TAPBPL: variants seen among roughly 807,000 people sequenced by gnomAD.
TAPBPL encodes the protein tapasin-related protein.
Under a neutral mutation model 44.8 loss-of-function variants are expected in TAPBPL, and 32 were observed. That is an observed-to-expected ratio of 0.71 (90% CI 0.54 to 0.96). The LOEUF is 0.96. TAPBPL is among the 40% of genes least tolerant of loss of function. The pLI is 0.00. For synonymous variants in TAPBPL, 230 were observed against 240.7 expected (o/e 0.96, Z 0.41); for missense variants, 520 against 586.6 (o/e 0.89, Z 1.17).
At chr12:6,460,546 C>A (rs567363950) in intron 5 of TAPBPL, among the ~76,000 whole-genome samples, 10 of 149,628 alleles carry the variant, frequency 6.7e-5, no homozygotes, top group Admixed American at 4.6e-4. Flanking sequence ...GGATTACAGG[C>A]ATGAGCCACT....
chr12:6,466,990 G>C (rs1182568379), downstream of TAPBPL: 1 of 162,110 alleles, frequency 6.2e-6, no homozygotes, highest in East Asian at 1.8e-4. Flanking sequence ...AGATCTGATG[G>C]GTTTATCAGT....
At chr12:6,452,382 G>A in intron 1 of TAPBPL, 70 bp downstream of exon 1, 3 of 1,525,380 alleles carry the variant, frequency 2.0e-6, no homozygotes, top group South Asian at 2.5e-5. Flanking sequence ...CACCCTCCCC[G>A]AGATTCCAGA....
chr12:6,464,583 C>T (rs2534717), downstream of TAPBPL: 450,714 of 1,461,168 alleles, frequency 0.31, 70,288 homozygotes, highest in South Asian at 0.35. Context: ...ATTCAGGTCT[C>T]TCCATTGTTA....
chr12:6,466,111 C>T, downstream of TAPBPL: 3 of 1,609,672 alleles, frequency 1.9e-6, no homozygotes, highest in Non-Finnish European at 2.5e-6. Context: ...GGGTGCTTTG[C>T]CTCTCAGGGC....
chr12:6,462,945 T>G (rs1319020624), downstream of TAPBPL: 1 of 1,555,122 alleles, frequency 6.4e-7, no homozygotes, highest in Non-Finnish European at 8.7e-7. Context: ...ATCCAGACCC[T>G]GCCCAGCATG....
chr12:6,455,135 AGTT>A (rs1384513159), intron 3 of TAPBPL, among the ~76,000 whole-genome samples: 4 of 152,326 alleles, frequency 2.6e-5, no homozygotes, highest in Admixed American at 1.3e-4. Flanking sequence ...TAGATCCACC[AGTT>A]GTTAACAATT....
intron 4 of TAPBPL, 46 bp downstream of exon 4, chr12:6,457,790 C>A: frequency 6.7e-7 from 1 of 1,481,538 alleles, no homozygotes; most frequent in South Asian, 1.4e-5. Flanking sequence ...TATAACATGT[C>A]TACTGGGAGC....
At chr12:6,454,578 C>T (rs1317103579) in intron 3 of TAPBPL, among the ~76,000 whole-genome samples, 6 of 152,144 alleles carry the variant, frequency 3.9e-5, no homozygotes, top group Admixed American at 1.3e-4. Context: ...AAATGGAGAT[C>T]GTTCTCATCT....
downstream of TAPBPL, chr12:6,470,618 G>T (rs528880310): frequency 1.9e-6 from 3 of 1,567,804 alleles, no homozygotes; most frequent in African/African-American, 2.7e-5. Flanking sequence ...GAAGTGGACG[G>T]AACTGCCAAG....
chr12:6,452,787 T>G (rs1194357317), intron 1 of TAPBPL, among the ~76,000 whole-genome samples: 1 of 152,216 alleles, frequency 6.6e-6, no homozygotes, highest in East Asian at 1.9e-4. Flanking sequence ...ACTGAAAAGA[T>G]AGTCTTTTAT....
At position 6,453,393 on chromosome 12, in the gene TAPBPL, G is replaced by A; in HGVS notation, c.296-54G>A. 6.2e-7 allele frequency: 1 copy of A among 1,609,342 alleles called. No individual in the cohort carries two copies. Among genetic ancestry groups the A allele is most frequent in the South Asian group, 1.1e-5 (1 of 90,470 alleles). ...CAGCCACACATACTGCCTCCCGTTG[G>A]CCCTGGTGTTCTCACGCTAATTTGC... On this transcript the variant is annotated intron_variant, in intron 2 of 6. Transcript: ENST00000266556. The surrounding 1 kb of genome is among the most constrained non-coding windows in gnomAD (Gnocchi z 4.8).
At chr12:6,461,514 C>T in intron 6 of TAPBPL, 1 of 942,310 alleles carries the variant, frequency 1.1e-6, no homozygotes, top group Non-Finnish European at 1.3e-6. Context: ...AAATAAAAGG[C>T]CCTTGTGTCT....
downstream of TAPBPL, chr12:6,462,784 C>A: frequency 1.3e-6 from 2 of 1,570,310 alleles, no homozygotes; most frequent in Non-Finnish European, 1.7e-6. Context: ...GAGTGGAGAC[C>A]TTCGAGGGGG....
At chr12:6,462,513 G>A (rs983169023), downstream of TAPBPL, 1 of 498,770 alleles carries the variant, frequency 2.0e-6, no homozygotes. Flanking sequence ...CATGGGTGGT[G>A]GGAGGAAAGG....
chr12:6,452,979 T>C lies in TAPBPL; in HGVS notation c.65-88T>C, dbSNP rs115158125. 2.5e-3 allele frequency: 3,366 copies of C among 1,326,766 alleles called. 79 individuals carry two copies. The African/African-American group carries it at 0.043, about 17-fold the overall frequency. 82.2% of individuals were successfully genotyped at this position (1,326,766 alleles called of 1,614,324 possible). ...TTGGATGGCAACTTTTACCCTTTGA[T>C]GACTCCACAGCTTGAGGGCGGGGGC... On this transcript the variant is annotated intron_variant, in intron 1 of 6. Transcript: ENST00000266556.
chr12:6,453,785 A>G lies in TAPBPL; in HGVS notation c.565+69A>G. 6.8e-7 allele frequency: 1 copy of G among 1,470,608 alleles called. No homozygotes were observed. Among genetic ancestry groups the G allele is most frequent in the East Asian group, 2.4e-5 (1 of 41,736 alleles). 91.1% of individuals were successfully genotyped at this position (1,470,608 alleles called of 1,614,324 possible). ...GTAATTCCAGAATTTTGGGATACCG[A>G]GGTCGGTGGATCACCTGAGGTCAGG... On this transcript the variant is annotated intron_variant, in intron 3 of 6. Transcript: ENST00000266556. This position sits in a 1 kb window ranked among gnomAD's most constrained non-coding sequence, Gnocchi z 4.8.
In TAPBPL at chr12:6,457,633, G is replaced by T. The variant is rs1181282238; in HGVS notation, c.793G>T (p.Asp265Tyr). The T allele has an allele frequency of 1.2e-6, 2 of 1,614,188 alleles. No homozygotes were observed. Among genetic ancestry groups the T allele is most frequent in the Admixed American group, 3.3e-5 (2 of 60,020 alleles). The change falls in exon 4 of 7, where the codon GAT becomes TAT. Residue 265 changes from aspartate to tyrosine, a missense_variant. Physicochemically the swap from Asp to Tyr is radical, Grantham distance 160. Coordinates refer to ENST00000266556, the MANE Select transcript of TAPBPL (RefSeq NM_018009.5). ...LEPAQLGMARDASLTLPGLTI... is the reference protein window; with the variant it reads ...LEPAQLGMARYASLTLPGLTI... ...GCCTGCACAACTGGGCATGGCCAGG[G>T]ATGCCTCCCTCACCCTGCCCGGCCT...
At position 6,458,851 on chromosome 12, in the gene TAPBPL, G is replaced by A. The variant is rs775377094; in HGVS notation, c.1111G>A (p.Ala371Thr). 13 of 1,613,972 alleles carry A rather than the reference G, an allele frequency of 8.1e-6. No individual in the cohort carries two copies. The highest frequency in any genetic ancestry group is 3.3e-5 in the South Asian group (3 of 91,084). Residue 371 changes from alanine to threonine, a missense_variant, in exon 5 of 7, where the codon GCA (alanine) becomes ACA (threonine). Transcript: ENST00000266556. ...CTACAGCATCTCCTCCTCTCTCACC[G>A]CAGAACCTGGCTCTGCAGGTGCCAC... is the stretch of plus-strand genomic sequence containing the variant. ...GTYSISSSLT[A>T]EPGSAGATYT...
the TAPBPL span, among the ~76,000 whole-genome samples, chr12:6,471,554 G>A: frequency 1.9e-4 from 29 of 152,136 alleles, no homozygotes; most frequent in Non-Finnish European, 2.8e-4. The surrounding 1 kb of genome is among the most constrained non-coding windows in gnomAD (Gnocchi z 4.0). Context: ...AAGGCCGGGC[G>A]CAGTGGCTCA....
Sources: allele counts gnomAD v4.1 joint callset (sites outside exome capture counted in the v4.1 genomes callset), GRCh38; gene constraint gnomAD v4.1.1; non-coding constraint Gnocchi (gnomAD v3.1); transcripts MANE v1.5; gene names NCBI Gene and HGNC (gene_info 2026-07-23, HGNC 2026-07-21).